WDPCP: variants seen among roughly 807,000 people sequenced by gnomAD.
WDPCP encodes the protein WD repeat-containing and planar cell polarity effector protein fritz homolog.
WDPCP carries 71 observed loss-of-function variants against 93.1 expected under a neutral mutation model. That is an observed-to-expected ratio of 0.76 (90% CI 0.63 to 0.93). The LOEUF (loss-of-function observed/expected upper bound fraction) is 0.93, where lower values mean the gene tolerates loss of function less well. WDPCP is among the 40% of genes least tolerant of loss of function. The probability of loss-of-function intolerance (pLI) is 0.00; values close to 1 mark genes in which losing one functional copy is unlikely to be tolerated. For missense variants in WDPCP, 844 were observed against 887.4 expected, an observed-to-expected ratio of 0.95 and a Z score of 0.62; for synonymous variants, 315 against 315.0, an observed-to-expected ratio of 1.00 and a Z score of 0.00.
In WDPCP at chr2:63,632,274, C is replaced by A. The variant is rs551490904; in HGVS notation, n.488+18385G>T. 1.1e-4 allele frequency among the ~76,000 whole-genome samples: 16 copies of A among 152,150 alleles called. No homozygotes were observed. The South Asian group carries it at 2.9e-3, about 28-fold the overall frequency. On this transcript the variant is annotated intron_variant and non_coding_transcript_variant, in intron 3 of 4. Coordinates refer to the WDPCP transcript ENST00000467687. ...ATCAACATGAGAACAACAACAACAA[C>A]AAAAATAGTGGAAACATACACAGAC... is the stretch of plus-strand genomic sequence containing the variant.
intron 13 of WDPCP, among the ~76,000 whole-genome samples, chr2:63,261,590 C>T (rs1681637438): frequency 6.6e-6 from 1 of 152,074 alleles, no homozygotes; most frequent in South Asian, 2.1e-4. Flanking sequence ...TAGGAAACAC[C>T]AGCTTTCAAA....
chr2:63,804,160 T>C (rs1223207447), intron 2 of WDPCP, among the ~76,000 whole-genome samples: 1 of 152,196 alleles, frequency 6.6e-6, no homozygotes, highest in African/African-American at 2.4e-5. Context: ...CATCACACTT[T>C]ACCCAGTACA....
At chr2:63,511,877 CAA>C (rs780299247) in intron 1 of WDPCP, among the ~76,000 whole-genome samples, 11 of 152,138 alleles carry the variant, frequency 7.2e-5, no homozygotes, top group Non-Finnish European at 1.3e-4. Context: ...GCAATTGCAA[CAA>C]AAGTCAAAAT....
At chr2:63,285,577 T>C (rs146416283) in intron 13 of WDPCP, among the ~76,000 whole-genome samples, 36 of 151,498 alleles carry the variant, frequency 2.4e-4, no homozygotes, top group African/African-American at 8.7e-4. Context: ...AAAATATATA[T>C]AATGCAAACA....
chr2:63,500,359 A>G (rs1701466291), intron 1 of WDPCP, among the ~76,000 whole-genome samples: 1 of 152,172 alleles, frequency 6.6e-6, no homozygotes, highest in South Asian at 2.1e-4. Context: ...AGTCAAAGAT[A>G]GATAGTCTGG....
chr2:63,218,425 T>C lies in WDPCP; in HGVS notation c.1915+40882A>G, dbSNP rs934162333. Among the ~76,000 whole-genome samples, 6 of 152,326 alleles carry C rather than the reference T, an allele frequency of 3.9e-5. No individual in the cohort carries two copies. The South Asian group carries it at 8.3e-4, about 21-fold the overall frequency. ...CTGTACAGTTGTAAGAAAAGTATGA[T>C]GGGAACATATATGTGTTTCTGTTTA... On this transcript the variant is annotated intron_variant, in intron 14 of 17. Transcript: ENST00000272321.
At chr2:63,572,995 C>T (rs889369717) in intron 1 of WDPCP, among the ~76,000 whole-genome samples, 1 of 151,946 alleles carries the variant, frequency 6.6e-6, no homozygotes, top group Non-Finnish European at 1.5e-5. Flanking sequence ...ACCTATAATC[C>T]CAGCACTTTT....
chr2:63,534,924 C>A (rs543936399), intron 1 of WDPCP, among the ~76,000 whole-genome samples: 2 of 152,148 alleles, frequency 1.3e-5, no homozygotes, highest in Non-Finnish European at 2.9e-5. Flanking sequence ...TCAAATTGTT[C>A]CTGTTTGCAG....
At chr2:63,740,525 C>T (rs1669697783) in intron 2 of WDPCP, among the ~76,000 whole-genome samples, 1 of 152,040 alleles carries the variant, frequency 6.6e-6, no homozygotes, top group African/African-American at 2.4e-5. Flanking sequence ...AAATAGATAC[C>T]TTAGTGAATT....
intron 12 of WDPCP, among the ~76,000 whole-genome samples, chr2:63,374,768 G>T (rs1691707212): frequency 6.6e-6 from 1 of 152,008 alleles, no homozygotes; most frequent in African/African-American, 2.4e-5. Flanking sequence ...AAAGTTAAAA[G>T]ATTATCTACC....
intron 14 of WDPCP, among the ~76,000 whole-genome samples, chr2:63,225,758 A>C (rs1390416767): frequency 3.3e-5 from 5 of 151,922 alleles, no homozygotes; most frequent in African/African-American, 1.2e-4. Flanking sequence ...GAAAGGTGCA[A>C]ATAGTCATCT....
At chr2:63,157,792 GT>G (rs1490561502) in intron 15 of WDPCP, among the ~76,000 whole-genome samples, 2 of 151,970 alleles carry the variant, frequency 1.3e-5, no homozygotes, top group African/African-American at 2.4e-5. Context: ...TCTGACTAGA[GT>G]TTTTTCAATT....
chr2:63,385,717 T>A (rs901633769), intron 10 of WDPCP, among the ~76,000 whole-genome samples: 1 of 151,888 alleles, frequency 6.6e-6, no homozygotes, highest in African/African-American at 2.4e-5. Flanking sequence ...CAACACAATC[T>A]CAGTCAAAAT....
At chr2:63,542,974 T>G (rs1174248416) in intron 1 of WDPCP, among the ~76,000 whole-genome samples, 1 of 152,104 alleles carries the variant, frequency 6.6e-6, no homozygotes, top group Non-Finnish European at 1.5e-5. Context: ...AATGAAACAT[T>G]ACCTCAAAAT....
chr2:63,271,085 G>A (rs937930844), intron 13 of WDPCP, among the ~76,000 whole-genome samples: 1 of 152,232 alleles, frequency 6.6e-6, no homozygotes, highest in African/African-American at 2.4e-5. Context: ...CAGCACTCTA[G>A]CCCACATACT....
intron 2 of WDPCP, among the ~76,000 whole-genome samples, chr2:63,743,672 T>C (rs1047580611): frequency 6.6e-6 from 1 of 152,142 alleles, no homozygotes; most frequent in Non-Finnish European, 1.5e-5. Context: ...ATGTGCACAG[T>C]TGAGCAACTT....
At chr2:63,559,522 C>T (rs1211988796) in intron 1 of WDPCP, among the ~76,000 whole-genome samples, 1 of 152,120 alleles carries the variant, frequency 6.6e-6, no homozygotes, top group Non-Finnish European at 1.5e-5. Context: ...ATCTAGAAAA[C>T]CCCTTCACCT....
upstream of WDPCP, among the ~76,000 whole-genome samples, chr2:63,832,720 C>A (rs1335460350): frequency 6.6e-6 from 1 of 152,148 alleles, no homozygotes; most frequent in Non-Finnish European, 1.5e-5. Context: ...GTTCATTGAA[C>A]AAATTTCTTT....
intron 13 of WDPCP, among the ~76,000 whole-genome samples, chr2:63,295,860 C>A: frequency 8.2e-6 from 1 of 122,036 alleles, no homozygotes; most frequent in African/African-American, 3.1e-5. Context: ...GAGCTGGTAC[C>A]AAACTTAGTG....
Sources: allele counts gnomAD v4.1 joint callset (sites outside exome capture counted in the v4.1 genomes callset), GRCh38; gene constraint gnomAD v4.1.1; transcripts MANE v1.5; gene names NCBI Gene and HGNC (gene_info 2026-07-23, HGNC 2026-07-21).